SOD2: variants seen among roughly 807,000 people sequenced by gnomAD.
SOD2 encodes the protein superoxide dismutase [Mn], mitochondrial.
In SOD2, 11 loss-of-function variants were observed where a neutral mutation model predicts 27.0. The observed-to-expected ratio is 0.41, with a 90% confidence interval of 0.26 to 0.67. SOD2 has a LOEUF of 0.67. Ranked by LOEUF, SOD2 falls within the 30% of genes least tolerant of loss-of-function variation. SOD2 has a pLI of 0.34. For missense variants in SOD2, 250 were observed against 274.5 expected (o/e 0.91, Z 0.63); for synonymous variants, 105 against 103.0 (o/e 1.02, Z -0.12).
In SOD2 at chr6:159,669,777, C is replaced by T. The variant is rs1189669386; in HGVS notation, c.*12716G>A. The T allele has an allele frequency of 2.0e-5, 3 of 152,094 alleles. No individual in the cohort carries two copies. Among genetic ancestry groups the T allele is most frequent in the African/African-American group, 7.2e-5 (3 of 41,420 alleles). The allele number at this position is 152,094 out of a possible 1,614,324, so 9.4% of individuals were successfully genotyped here. On this transcript the variant is annotated 3_prime_UTR_variant, in exon 5 of 5. Transcript: ENST00000538183. ...TCTCATGTAAGTATAGTTATTTCTG[C>T]TCTTTTTTGGCTTCCATTTGTATGC...
intron 2 of SOD2, 140 bp from the exon 3 acceptor site, chr6:159,688,382 C>G (rs1029093917): frequency 3.5e-6 from 2 of 576,730 alleles, no homozygotes; most frequent in Non-Finnish European, 6.2e-6. Context: ...AAATTCAGCA[C>G]CCCCCCGCCC....
At position 159,754,930 on chromosome 6, in the gene SOD2, G is replaced by C. The variant is rs1779950232; in HGVS notation, c.-336+6107C>G. On this transcript the variant is annotated intron_variant, in intron 1 of 7. Transcript: ENST00000546087. ...ATTTTAGAATTGTATTTGTTTACTT[G>C]AGCGTTTATTGACTCCCTTGCTTTG... 3.6e-5 allele frequency: 45 copies of C among 1,234,012 alleles called. No individual in the cohort carries two copies. The South Asian group carries it at 7.5e-4, about 21-fold the overall frequency. The allele number at this position is 1,234,012 out of a possible 1,614,324, so 76.4% of individuals were successfully genotyped here.
chr6:159,762,057 G>C, exon 1 of SOD2: 1 of 1,611,196 alleles, frequency 6.2e-7, no homozygotes, highest in Non-Finnish European at 8.5e-7. Flanking sequence ...CTTGCAGGCA[G>C]CGCAGGGCAG....
chr6:159,720,832 G>A (rs1228691605), intron 1 of SOD2, among the ~76,000 whole-genome samples: 1 of 125,296 alleles, frequency 8.0e-6, no homozygotes, highest in East Asian at 2.2e-4. Context: ...CACTATACAG[G>A]TGTATTTTCT....
At chr6:159,688,649 A>G (rs993552557) in intron 2 of SOD2, among the ~76,000 whole-genome samples, 2 of 152,196 alleles carry the variant, frequency 1.3e-5, no homozygotes, top group African/African-American at 4.8e-5. Flanking sequence ...TCCAAGTCAC[A>G]TTAACAAGAA....
intron 1 of SOD2, among the ~76,000 whole-genome samples, chr6:159,719,303 T>C (rs1220416676): frequency 6.6e-6 from 1 of 152,078 alleles, no homozygotes; most frequent in African/African-American, 2.4e-5. Context: ...GGCAGGTGGA[T>C]CACGAGGTCA....
At chr6:159,741,744 T>C (rs1779268059) in intron 1 of SOD2, 1 of 184,998 alleles carries the variant, frequency 5.4e-6, no homozygotes, top group South Asian at 9.2e-5. Flanking sequence ...TTTCAGCAGT[T>C]TGGGAGGCCA....
intron 1 of SOD2, among the ~76,000 whole-genome samples, chr6:159,708,375 A>G (rs906183110): frequency 5.3e-5 from 8 of 152,206 alleles, no homozygotes; most frequent in Non-Finnish European, 8.8e-5. Flanking sequence ...AAACCCCATC[A>G]TCTCAGCCCA....
In SOD2 at chr6:159,677,048, C is replaced by T. The variant is rs1779795051; in HGVS notation, c.*5445G>A. The T allele has an allele frequency of 6.6e-6, 1 of 152,198 alleles. No individual in the cohort carries two copies. 9.4% of individuals were successfully genotyped at this position (152,198 alleles called of 1,614,324 possible). On this transcript the variant is annotated 3_prime_UTR_variant, in exon 5 of 5. Coordinates refer to ENST00000538183, the MANE Select transcript of SOD2 (RefSeq NM_000636.4). Reference sequence around the variant, plus strand: ...TGAGCCTTGGGGATACCCATATTTACAATATGATAAATACATTAAGTCACA... The same window carrying T: ...TGAGCCTTGGGGATACCCATATTTATAATATGATAAATACATTAAGTCACA...
upstream of SOD2, among the ~76,000 whole-genome samples, chr6:159,728,114 C>T (rs936124804): frequency 5.9e-5 from 9 of 152,270 alleles, no homozygotes; most frequent in African/African-American, 1.4e-4. Context: ...AACATTCGTT[C>T]CCTACATTTC....
At chr6:159,746,071 T>C (rs1779557986), upstream of SOD2, among the ~76,000 whole-genome samples, 2 of 152,162 alleles carry the variant, frequency 1.3e-5, no homozygotes, top group African/African-American at 4.8e-5. Flanking sequence ...CCCTCCTCCT[T>C]CCCCAAAATA....
chr6:159,740,804 C>T (rs1428096207), intron 1 of SOD2, among the ~76,000 whole-genome samples: 1 of 151,252 alleles, frequency 6.6e-6, no homozygotes, highest in African/African-American at 2.4e-5. Context: ...CCCGGTCAAG[C>T]GGTTCTCCTG....
chr6:159,689,908 C>T (rs1780368834), intron 2 of SOD2, among the ~76,000 whole-genome samples: 1 of 150,382 alleles, frequency 6.6e-6, no homozygotes, highest in East Asian at 1.9e-4. Context: ...TGCAGTGAAC[C>T]AAGAACACGC....
rs532937782 is a variant in SOD2 at position 159,733,147 on chromosome 6, G to T, written c.-116+11983C>A. Among the ~76,000 whole-genome samples the T allele has an allele frequency of 4.6e-5, 7 of 150,928 alleles. 1 individual carries two copies. The South Asian group carries it at 1.5e-3, about 32-fold the overall frequency. Reference sequence around the variant, plus strand: ...AATGGCAGCAGAGATAATAAACTGGGCAACAAGGGAGGAACCAATTTAAAG... The same window carrying T: ...AATGGCAGCAGAGATAATAAACTGGTCAACAAGGGAGGAACCAATTTAAAG... On this transcript the variant is annotated intron_variant, in intron 1 of 3. Coordinates refer to the SOD2 transcript ENST00000537657.
At chr6:159,719,224 CATAAGAG>C (rs1777981917) in intron 1 of SOD2, among the ~76,000 whole-genome samples, 1 of 152,016 alleles carries the variant, frequency 6.6e-6, no homozygotes, top group South Asian at 2.1e-4. Flanking sequence ...GTTTTCACCA[CATAAGAG>C]ATAAGAGAAG....
intron 1 of SOD2, among the ~76,000 whole-genome samples, chr6:159,723,076 T>C (rs1799191378): frequency 6.6e-6 from 1 of 152,234 alleles, no homozygotes; most frequent in Non-Finnish European, 1.5e-5. Flanking sequence ...CCTTTCCTTT[T>C]GTCCACTGTA....
At chr6:159,756,376 C>T (rs1780011251) in intron 1 of SOD2, 1 of 152,424 alleles carries the variant, frequency 6.6e-6, no homozygotes, top group Non-Finnish European at 1.5e-5. Flanking sequence ...TTCATTGAGT[C>T]ATTGAATTTC....
At chr6:159,702,295 A>T (rs570655318) in intron 1 of SOD2, among the ~76,000 whole-genome samples, 30 of 142,682 alleles carry the variant, frequency 2.1e-4, no homozygotes, top group East Asian at 1.0e-3. Context: ...TCTGTATAAA[A>T]TTTTTTTTTT....
At chr6:159,752,489 T>A (rs1041259433) in intron 1 of SOD2, among the ~76,000 whole-genome samples, 1 of 152,242 alleles carries the variant, frequency 6.6e-6, no homozygotes, top group East Asian at 1.9e-4. Context: ...TTGCTATGTA[T>A]GTGCACATAG....
Sources: gnomAD v4.1 joint callset for allele counts (sites outside exome capture counted in the v4.1 genomes callset) on GRCh38, gnomAD v4.1.1 for gene constraint, MANE v1.5 for transcripts, NCBI Gene and HGNC (gene_info 2026-07-23, HGNC 2026-07-21) for gene names.